Variants in TMEM64 observed in about 807,000 individuals in gnomAD.
TMEM64 encodes transmembrane protein 64.
Under a neutral mutation model 24.5 loss-of-function variants are expected in TMEM64, and 19 were observed. That is an observed-to-expected ratio of 0.78 (90% CI 0.54 to 1.14). The LOEUF (loss-of-function observed/expected upper bound fraction) is 1.14, where lower values mean the gene tolerates loss of function less well. TMEM64 is among the 50% of genes most tolerant of loss of function. TMEM64 has a pLI of 0.00. For missense variants in TMEM64, 487 were observed against 493.0 expected (o/e 0.99, Z 0.12); for synonymous variants, 262 against 224.7 (o/e 1.17, Z -1.49).
At chr8:90,644,732 A>G (rs149341250) in intron 1 of TMEM64, among the ~76,000 whole-genome samples, 1 of 152,312 alleles carries the variant, frequency 6.6e-6, no homozygotes, top group East Asian at 1.9e-4. Flanking sequence ...CCCTGGATGT[A>G]TTTATGTAAG....
At chr8:90,639,163 C>G (rs1809565019) in intron 1 of TMEM64, among the ~76,000 whole-genome samples, 1 of 151,960 alleles carries the variant, frequency 6.6e-6, no homozygotes, top group Admixed American at 6.6e-5. Context: ...AGACCCTACC[C>G]TAACAGCTAG....
At chr8:90,633,149 G>A (rs182058446) in intron 1 of TMEM64, among the ~76,000 whole-genome samples, 5 of 152,292 alleles carry the variant, frequency 3.3e-5, no homozygotes, top group African/African-American at 1.2e-4. Context: ...GGCAAGAGCA[G>A]AAGTGAGGAG....
chr8:90,636,163 T>C (rs946247535), intron 1 of TMEM64, among the ~76,000 whole-genome samples: 10 of 152,224 alleles, frequency 6.6e-5, no homozygotes, highest in Non-Finnish European at 1.2e-4. Flanking sequence ...CTTTAACCAA[T>C]GGAGCAACAC....
At chr8:90,642,924 C>CT (rs569258420) in intron 1 of TMEM64, among the ~76,000 whole-genome samples, 41 of 152,066 alleles carry the variant, frequency 2.7e-4, no homozygotes, top group Admixed American at 5.2e-4. Context: ...GGCCATTTTT[C>CT]TTTTTTTTCC....
intron 1 of TMEM64, among the ~76,000 whole-genome samples, chr8:90,640,510 T>A (rs188745942): frequency 1.3e-5 from 2 of 152,222 alleles, no homozygotes; most frequent in Admixed American, 1.3e-4. Flanking sequence ...ATTTTACAAA[T>A]AAGGAAAACT....
At position 90,645,595 on chromosome 8, in the gene TMEM64, G is replaced by GCCACGCCGACCA; in HGVS notation, c.299_310dup (p.Val100_Val103dup). 1 of 1,538,700 alleles carries GCCACGCCGACCA rather than the reference G, an allele frequency of 6.5e-7. No individual in the cohort carries two copies. The highest frequency in any genetic ancestry group is 8.7e-7 in the Non-Finnish European group (1 of 1,145,692). On this transcript the variant is annotated inframe_insertion, in exon 1 of 3. Transcript: ENST00000458549. The surrounding 1 kb of genome is among the most constrained non-coding windows in gnomAD (Gnocchi z 4.2). ...GCAGCAGCGCCAGTTTCTCACCTCA[G>GCCACGCCGACCA]CCACGCCGACCACCACGCCGCCGCC... is the stretch of plus-strand genomic sequence containing the variant.
intron 1 of TMEM64, among the ~76,000 whole-genome samples, chr8:90,644,160 G>A (rs1455861326): frequency 1.3e-5 from 2 of 152,186 alleles, no homozygotes; most frequent in Non-Finnish European, 2.9e-5. Flanking sequence ...AAGTTCCTGG[G>A]AATCTACATA....
intron 2 of TMEM64, among the ~76,000 whole-genome samples, chr8:90,630,677 C>T (rs1178797284): frequency 2.0e-5 from 3 of 151,836 alleles, no homozygotes; most frequent in African/African-American, 7.3e-5. Flanking sequence ...AATACATAAC[C>T]AGCTCAAGAT....
In TMEM64 at chr8:90,624,733, T is replaced by C. The variant is rs1809329253; in HGVS notation, c.*938A>G. 1 of 152,544 alleles carries C rather than the reference T, an allele frequency of 6.6e-6. No individual in the cohort carries two copies. The highest frequency in any genetic ancestry group is 1.5e-5 in the Non-Finnish European group (1 of 67,964). 9.4% of individuals were successfully genotyped at this position (152,544 alleles called of 1,614,324 possible). A position where few individuals can be genotyped will look rare whatever the true frequency, so the allele number is the denominator to read the frequency against. On this transcript the variant is annotated 3_prime_UTR_variant, in exon 3 of 3. Transcript: ENST00000458549. The stretch of plus-strand genomic sequence containing the variant: ...AAACATGTTTTTAAAGCTTGGTTTT[T>C]AAAAAAGGCGTTTTGATCAAACAAG...
chr8:90,628,138 AATAG>A lies in TMEM64; in HGVS notation c.952-2280_952-2277del, dbSNP rs1305040723. ...TGTTAAAAAGGGTTTAGAAAATGGA[AATAG>A]ATAGTACAGACAATTGTTTTAAAAG... On this transcript the variant is annotated intron_variant, in intron 2 of 2. Transcript: ENST00000458549. Among the ~76,000 whole-genome samples the A allele has an allele frequency of 4.6e-5, 7 of 152,342 alleles. No individual in the cohort carries two copies. In the East Asian group the frequency reaches 1.3e-3, roughly 29 times the overall value.
In TMEM64 at chr8:90,645,140, G is replaced by T. The variant is rs752503818; in HGVS notation, c.766C>A (p.Pro256Thr). Residue 256 changes from proline to threonine, a missense_variant, in exon 1 of 3, where the codon CCT (proline) becomes ACT (threonine). Physicochemically the swap from Pro to Thr is conservative, Grantham distance 38. Transcript: ENST00000458549. The surrounding 1 kb of genome is among the most constrained non-coding windows in gnomAD (Gnocchi z 4.2). Reference sequence around the variant, plus strand: ...AACACTGCATTCTGAAGCCCAAAAGGTATGGGTGTCAGTCTGGCCAGCGCC... The same window carrying T: ...AACACTGCATTCTGAAGCCCAAAAGTTATGGGTGTCAGTCTGGCCAGCGCC... ...VVALARLTPIPFGLQNAVFSI... is the reference protein window; with the variant it reads ...VVALARLTPITFGLQNAVFSI... The T allele has an allele frequency of 1.1e-5, 17 of 1,612,794 alleles. No homozygotes were observed. Among genetic ancestry groups the T allele is most frequent in the African/African-American group, 1.3e-5 (1 of 74,924 alleles).
At position 90,645,006 on chromosome 8, in the gene TMEM64, T is replaced by C; in HGVS notation, c.795+105A>G. The C allele has an allele frequency of 8.0e-7, 1 of 1,253,512 alleles. No individual in the cohort carries two copies. Among genetic ancestry groups the C allele is most frequent in the Non-Finnish European group, 1.1e-6 (1 of 895,728 alleles). 77.6% of individuals were successfully genotyped at this position (1,253,512 alleles called of 1,614,324 possible). ...GTAATCGTAACTCCTGCCGTCAATGTCACTTCTCTGCTGGTATTTATCTGA... is the reference window on the plus strand; with the variant it reads ...GTAATCGTAACTCCTGCCGTCAATGCCACTTCTCTGCTGGTATTTATCTGA... On this transcript the variant is annotated intron_variant, in intron 1 of 2. Transcript: ENST00000458549. The surrounding 1 kb of genome is among the most constrained non-coding windows in gnomAD (Gnocchi z 4.2).
chr8:90,622,769 C>T lies in TMEM64; in HGVS notation c.*2902G>A, dbSNP rs1242689498. ...TTTATAGTCATATACTTGACCCTAT[C>T]AGGGAAAAGCCACCTAAAAGCATGT... On this transcript the variant is annotated 3_prime_UTR_variant, in exon 3 of 3. Coordinates refer to ENST00000458549, the MANE Select transcript of TMEM64 (RefSeq NM_001008495.4). 1 of 152,176 alleles carries T rather than the reference C, an allele frequency of 6.6e-6. No individual in the cohort carries two copies. Among genetic ancestry groups the T allele is most frequent in the Non-Finnish European group, 1.5e-5 (1 of 68,028 alleles). The allele number at this position is 152,176 out of a possible 1,614,324, so 9.4% of individuals were successfully genotyped here.
At chr8:90,636,267 T>TA (rs547035835) in intron 1 of TMEM64, among the ~76,000 whole-genome samples, 78 of 152,192 alleles carry the variant, frequency 5.1e-4, no homozygotes, top group Admixed American at 1.4e-3. Context: ...TTTATATATA[T>TA]TTTTTTGAGA....
At chr8:90,643,881 G>A (rs1200859421) in intron 1 of TMEM64, among the ~76,000 whole-genome samples, 1 of 152,184 alleles carries the variant, frequency 6.6e-6, no homozygotes, top group Non-Finnish European at 1.5e-5. Flanking sequence ...CATAGTCATT[G>A]CTGCTGTTGC....
At chr8:90,633,129 C>G (rs995943884) in intron 1 of TMEM64, among the ~76,000 whole-genome samples, 7 of 152,144 alleles carry the variant, frequency 4.6e-5, no homozygotes, top group Non-Finnish European at 2.9e-5. Context: ...GTGCTTACTT[C>G]TAGCAAACAG....
In TMEM64 at chr8:90,622,974, GA is replaced by G. The variant is rs1809303008; in HGVS notation, c.*2696del. 6.6e-6 allele frequency: 1 copy of G among 152,010 alleles called. No homozygotes were observed. Among genetic ancestry groups the G allele is most frequent in the African/African-American group, 2.4e-5 (1 of 41,374 alleles). 9.4% of individuals were successfully genotyped at this position (152,010 alleles called of 1,614,324 possible). The stretch of plus-strand genomic sequence containing the variant: ...CAGATGATCAAATAAAAATGGACAT[GA>G]ATATGCTTAGTAAATTAGCATATAC... On this transcript the variant is annotated 3_prime_UTR_variant, in exon 3 of 3. Coordinates refer to ENST00000458549, the MANE Select transcript of TMEM64 (RefSeq NM_001008495.4).
At chr8:90,642,117 A>C (rs1338382075) in intron 1 of TMEM64, among the ~76,000 whole-genome samples, 7 of 152,228 alleles carry the variant, frequency 4.6e-5, no homozygotes, top group African/African-American at 1.7e-4. Context: ...TGCTTCTAAA[A>C]TGTGAATACA....
At chr8:90,636,471 G>C (rs1198283343) in intron 1 of TMEM64, among the ~76,000 whole-genome samples, 1 of 152,158 alleles carries the variant, frequency 6.6e-6, no homozygotes, top group Non-Finnish European at 1.5e-5. Flanking sequence ...GGTCAGGCTG[G>C]TCTCGAACTC....
Sources: allele counts gnomAD v4.1 joint callset (sites outside exome capture counted in the v4.1 genomes callset), GRCh38; gene constraint gnomAD v4.1.1; non-coding constraint Gnocchi (gnomAD v3.1); transcripts MANE v1.5; gene names NCBI Gene and HGNC (gene_info 2026-07-23, HGNC 2026-07-21).